MEIS2: variants seen among roughly 807,000 people sequenced by gnomAD.
MEIS2 encodes Meis homeobox 2, also known as homeobox protein Meis2.
MEIS2 carries 9 observed loss-of-function variants against 58.6 expected under a neutral mutation model. That is an observed-to-expected ratio of 0.15 (90% CI 0.09 to 0.27). The LOEUF is 0.27. Ranked by LOEUF, MEIS2 falls within the 10% of genes least tolerant of loss-of-function variation. The pLI, the probability that MEIS2 is intolerant of heterozygous loss-of-function variation, is 1.00. For missense variants in MEIS2, 427 were observed against 635.0 expected (o/e 0.67, Z 3.52); for synonymous variants, 221 against 228.4 (o/e 0.97, Z 0.29).
intron 8 of MEIS2, among the ~76,000 whole-genome samples, chr15:37,005,044 A>AT (rs1337893694): frequency 6.6e-6 from 1 of 152,192 alleles, no homozygotes; most frequent in African/African-American, 2.4e-5. Context: ...CCTCTGGTTG[A>AT]TTTTACCTGA....
chr15:36,935,203 T>G (rs2058120530), intron 9 of MEIS2, among the ~76,000 whole-genome samples: 2 of 144,602 alleles, frequency 1.4e-5, no homozygotes, highest in African/African-American at 2.5e-5. Context: ...TTTTTTTTTT[T>G]AGCGGAGGAG....
At chr15:36,972,686 C>A (rs2059609533) in intron 8 of MEIS2, 1 of 152,322 alleles carries the variant, frequency 6.6e-6, no homozygotes, top group East Asian at 1.9e-4. Context: ...CAACACCTCT[C>A]CTGGTTTCCA....
intron 4 of MEIS2, among the ~76,000 whole-genome samples, chr15:37,095,319 G>C (rs922101299): frequency 5.3e-5 from 8 of 152,158 alleles, no homozygotes; most frequent in African/African-American, 1.9e-4. Context: ...AACATCCCCT[G>C]CTCGCGCTCT....
chr15:36,906,651 G>GAAAAAAAAA (rs56715244), intron 9 of MEIS2, among the ~76,000 whole-genome samples: 1 of 96,552 alleles, frequency 1.0e-5, no homozygotes. Context: ...AGCCACTCAA[G>GAAAAAAAAA]AAAAAAAAAA....
chr15:36,950,470 A>C, intron 8 of MEIS2, 70 bp from the exon 9 acceptor site: 1 of 1,418,904 alleles, frequency 7.0e-7, no homozygotes, highest in Non-Finnish European at 9.9e-7. Context: ...TCTAAGAATA[A>C]AACCACCGTT....
At chr15:36,961,623 T>C (rs1173155405) in intron 8 of MEIS2, among the ~76,000 whole-genome samples, 1 of 152,124 alleles carries the variant, frequency 6.6e-6, no homozygotes, top group Non-Finnish European at 1.5e-5. Context: ...ATGTGGCTTT[T>C]TTTTCCTAAT....
intron 8 of MEIS2, among the ~76,000 whole-genome samples, chr15:36,954,446 A>C (rs1433415372): frequency 6.8e-6 from 1 of 147,958 alleles, no homozygotes; most frequent in East Asian, 1.9e-4. Flanking sequence ...TAAAATTATA[A>C]TTAATTGTAA....
intron 7 of MEIS2, among the ~76,000 whole-genome samples, chr15:37,053,007 A>G (rs1444304118): frequency 6.6e-6 from 1 of 152,192 alleles, no homozygotes; most frequent in Non-Finnish European, 1.5e-5. Context: ...GGGCACCAAC[A>G]CGGCTTTATT....
At chr15:37,040,795 C>G (rs922940397) in intron 7 of MEIS2, among the ~76,000 whole-genome samples, 7 of 152,156 alleles carry the variant, frequency 4.6e-5, no homozygotes, top group Non-Finnish European at 1.0e-4. Context: ...ATTAAATGAT[C>G]AGAGGAGATT....
intron 7 of MEIS2, among the ~76,000 whole-genome samples, chr15:37,078,528 TA>T (rs5811962): frequency 0.92 from 131,697 of 143,620 alleles, 60,388 homozygotes; most frequent in South Asian, 0.96. Flanking sequence ...ACCAGAGTTT[TA>T]AAAAAATCTA....
intron 8 of MEIS2, among the ~76,000 whole-genome samples, chr15:37,002,206 T>G (rs1468100863): frequency 6.6e-6 from 1 of 152,156 alleles, no homozygotes; most frequent in Non-Finnish European, 1.5e-5. Flanking sequence ...CAATGCCTGC[T>G]AATCACTGCT....
chr15:37,066,193 T>C, intron 7 of MEIS2: 1 of 152,232 alleles, frequency 6.6e-6, no homozygotes, highest in Middle Eastern at 3.4e-3. Context: ...ATCACTGATT[T>C]AAAAAATCAC....
At chr15:37,034,745 C>T (rs1326823521) in intron 8 of MEIS2, among the ~76,000 whole-genome samples, 6 of 152,270 alleles carry the variant, frequency 3.9e-5, no homozygotes, top group East Asian at 1.9e-4. Flanking sequence ...TTGGCTTCTC[C>T]GTATTTCTCC....
intron 8 of MEIS2, among the ~76,000 whole-genome samples, chr15:36,991,255 CT>C (rs10713560): frequency 0.81 from 119,298 of 146,776 alleles, 49,256 homozygotes; most frequent in Middle Eastern, 0.91. Context: ...ATTTTTCTCT[CT>C]TTTTTTTTTT....
rs560288762 is a variant in MEIS2, at chr15:36,917,440, G to A, written c.978-20754C>T. 4.6e-5 allele frequency among the ~76,000 whole-genome samples: 7 copies of A among 151,588 alleles called. No homozygotes were observed. The East Asian group carries it at 5.8e-4, about 13-fold the overall frequency. ...CCAGCTGGTGAGGAAAAAAATAAAC[G>A]AAAGTAAGCCTTTACTCTGAACCTG... is the stretch of plus-strand genomic sequence containing the variant. On this transcript the variant is annotated intron_variant, in intron 9 of 11. Coordinates refer to ENST00000561208, the MANE Select transcript of MEIS2 (RefSeq NM_170675.5).
chr15:37,074,092 T>TG (rs1350998111), intron 7 of MEIS2, among the ~76,000 whole-genome samples: 8 of 152,044 alleles, frequency 5.3e-5, no homozygotes, highest in African/African-American at 1.9e-4. Context: ...GATCGTTTAT[T>TG]GTTCCACTTG....
At chr15:36,986,015 A>AT (rs888391776) in intron 8 of MEIS2, among the ~76,000 whole-genome samples, 137 of 152,196 alleles carry the variant, frequency 9.0e-4, no homozygotes, top group African/African-American at 3.2e-3. Context: ...CGCCACTGTA[A>AT]TTTTTTATTA....
At chr15:37,067,115 G>A (rs1192896681) in intron 7 of MEIS2, among the ~76,000 whole-genome samples, 1 of 147,016 alleles carries the variant, frequency 6.8e-6, no homozygotes, top group Admixed American at 6.8e-5. Flanking sequence ...TTTGAGATAG[G>A]GTGTCACTCT....
intron 7 of MEIS2, among the ~76,000 whole-genome samples, chr15:37,080,069 GC>G: frequency 6.6e-6 from 1 of 152,104 alleles, no homozygotes. Flanking sequence ...CGATTTTACA[GC>G]AAAGATGTCA....
Sources: allele counts gnomAD v4.1 joint callset (sites outside exome capture counted in the v4.1 genomes callset), GRCh38; gene constraint gnomAD v4.1.1; transcripts MANE v1.5; gene names NCBI Gene and HGNC (gene_info 2026-07-23, HGNC 2026-07-21).